The following CFAP54 variants were observed in gnomAD, a reference collection of about 807,000 sequenced individuals.
CFAP54 encodes the protein cilia and flagella associated protein 54, also known as cilia- and flagella-associated protein 54.
A neutral mutation model predicts 370.4 loss-of-function variants in CFAP54; 290 were observed. The observed-to-expected ratio is 0.78, with a 90% CI of 0.71 to 0.86. The LOEUF (loss-of-function observed/expected upper bound fraction) is 0.86. Among genes scored for constraint, CFAP54 ranks in the 40% least tolerant of loss-of-function variants. The pLI is 0.00. For missense variants in CFAP54, 3,399 were observed against 3,528.7 expected (o/e 0.96, Z 0.93); for synonymous variants, 1,206 against 1,236.5 (o/e 0.98, Z 0.52).
At chr12:96,573,400 T>C (rs894814815) in intron 19 of CFAP54, among the ~76,000 whole-genome samples, 3 of 152,202 alleles carry the variant, frequency 2.0e-5, no homozygotes, top group African/African-American at 7.2e-5. Flanking sequence ...TTTCTGTCTC[T>C]GGCCTCTTCC....
chr12:96,506,011 ATAAGT>A (rs1342908520), intron 3 of CFAP54, among the ~76,000 whole-genome samples: 11 of 152,188 alleles, frequency 7.2e-5, no homozygotes, highest in African/African-American at 2.4e-4. Context: ...GAATTAATAA[ATAAGT>A]TAAAATGCCA....
chr12:96,870,146 A>G (rs890414090), intron 67 of CFAP54, among the ~76,000 whole-genome samples: 1 of 151,898 alleles, frequency 6.6e-6, no homozygotes, highest in African/African-American at 2.4e-5. Context: ...CTGTAGTCGC[A>G]GCTACTCTGG....
intron 22 of CFAP54, among the ~76,000 whole-genome samples, chr12:96,582,927 G>C (rs1188652525): frequency 6.6e-6 from 1 of 152,178 alleles, no homozygotes; most frequent in African/African-American, 2.4e-5. Flanking sequence ...GTTTCAGCAA[G>C]TTAATGTACC....
intron 33 of CFAP54, among the ~76,000 whole-genome samples, chr12:96,647,471 C>CGAAAAAAAAAAAAAAAAAAA (rs1167008566): frequency 9.4e-5 from 1 of 10,688 alleles, no homozygotes; most frequent in Non-Finnish European, 2.5e-4. Flanking sequence ...AGACTCTGTC[C>CGAAAAAAAAAAAAAAAAAAA]CAAAAAAAAA....
chr12:96,599,483 C>G (rs1356305097), intron 26 of CFAP54, among the ~76,000 whole-genome samples: 1 of 152,120 alleles, frequency 6.6e-6, no homozygotes, highest in African/African-American at 2.4e-5. Flanking sequence ...GTGCATGTGT[C>G]TTTATAGCAG....
intron 48 of CFAP54, 113 bp downstream of exon 48, chr12:96,708,916 C>A: frequency 2.5e-6 from 2 of 808,052 alleles, no homozygotes; most frequent in Non-Finnish European, 3.7e-6. Flanking sequence ...ACAGTTTTCT[C>A]TATGCTTATA....
chr12:96,519,479 T>C (rs1190559078), intron 6 of CFAP54, among the ~76,000 whole-genome samples: 6 of 152,110 alleles, frequency 3.9e-5, no homozygotes, highest in South Asian at 2.1e-4. Context: ...AACCAAAGAA[T>C]TGAAATGAAG....
Position 96,522,164 on chromosome 12 carries a change from G to T in CFAP54, c.1133G>T (p.Arg378Ile). The T allele has an allele frequency of 6.5e-7, 1 of 1,533,854 alleles. No individual in the cohort carries two copies. The highest frequency in any genetic ancestry group is 2.4e-5 in the East Asian group (1 of 40,884). ...AAAGCTGTCTTTAGACCTAAGATAA[G>T]AATTAACCTAAGGGAAGTACAAACT... ...KNKAVFRPKI[R>I]INLREVQTLS... The change falls in exon 8 of 68, where the codon AGA (arginine) becomes ATA (isoleucine). Residue 378 changes from arginine to isoleucine, a missense_variant. By Grantham distance (97) the Arg-to-Ile change is moderately conservative. This residue lies in a region of CFAP54 where 559 missense variants were observed against 576.7 expected (regional missense o/e 0.97). Coordinates refer to ENST00000524981, the MANE Select transcript of CFAP54 (RefSeq NM_001306084.2).
intron 15 of CFAP54, among the ~76,000 whole-genome samples, chr12:96,551,939 G>A (rs1955699238): frequency 6.6e-6 from 1 of 152,126 alleles, no homozygotes; most frequent in Admixed American, 6.5e-5. Flanking sequence ...AAAGGTGTAA[G>A]TACTGTAAAG....
chr12:96,747,503 C>A (rs1958130401), intron 55 of CFAP54, among the ~76,000 whole-genome samples: 1 of 152,100 alleles, frequency 6.6e-6, no homozygotes, highest in Admixed American at 6.5e-5. Context: ...CATTTAGCAC[C>A]AAGTACCATT....
At chr12:96,540,777 G>C in intron 13 of CFAP54, 60 bp from the exon 14 acceptor site, 1 of 1,111,370 alleles carries the variant, frequency 9.0e-7, no homozygotes, top group Non-Finnish European at 1.2e-6. Context: ...TGAAAAATGT[G>C]ACTGTTTCTA....
intron 60 of CFAP54, among the ~76,000 whole-genome samples, chr12:96,779,093 G>T (rs1958554912): frequency 7.3e-6 from 1 of 136,958 alleles, no homozygotes; most frequent in Admixed American, 7.6e-5. Flanking sequence ...GGCAACACGA[G>T]TGAATCTCCA....
intron 19 of CFAP54, among the ~76,000 whole-genome samples, chr12:96,569,068 C>G (rs1182552404): frequency 9.6e-6 from 1 of 104,642 alleles, no homozygotes; most frequent in African/African-American, 3.9e-5. Context: ...TACTTCTGGT[C>G]AAATATAGTA....
chr12:96,827,732 A>T (rs1259254253), intron 65 of CFAP54, among the ~76,000 whole-genome samples: 1 of 124,560 alleles, frequency 8.0e-6, no homozygotes, highest in African/African-American at 3.0e-5. Flanking sequence ...AATTATATTT[A>T]ATATAATTAT....
At chr12:96,550,658 C>A (rs935519420) in intron 15 of CFAP54, among the ~76,000 whole-genome samples, 3 of 152,170 alleles carry the variant, frequency 2.0e-5, no homozygotes, top group African/African-American at 7.2e-5. Context: ...TGAACATCCT[C>A]CTGGGAGAAA....
chr12:96,639,430 A>G (rs1956699808), intron 32 of CFAP54, among the ~76,000 whole-genome samples: 2 of 152,244 alleles, frequency 1.3e-5, no homozygotes, highest in Admixed American at 6.5e-5. Context: ...AATTGAGGCA[A>G]TCATTAATAG....
intron 63 of CFAP54, among the ~76,000 whole-genome samples, chr12:96,809,161 G>T (rs1190610358): frequency 6.6e-6 from 1 of 152,072 alleles, no homozygotes; most frequent in African/African-American, 2.4e-5. Context: ...GATGCGCATT[G>T]GTGTGAGTCT....
chr12:96,595,815 G>T (rs924950399), intron 25 of CFAP54, among the ~76,000 whole-genome samples: 1 of 152,116 alleles, frequency 6.6e-6, no homozygotes. Context: ...TCTTTTTAAA[G>T]GTGAGAGATG....
chr12:96,643,786 T>C (rs1956760635), intron 32 of CFAP54, among the ~76,000 whole-genome samples: 1 of 152,196 alleles, frequency 6.6e-6, no homozygotes, highest in Non-Finnish European at 1.5e-5. Context: ...TGTTTTTTCC[T>C]TAAGGACCAA....
Sources: allele counts gnomAD v4.1 joint callset (sites outside exome capture counted in the v4.1 genomes callset), GRCh38; gene constraint gnomAD v4.1.1; regional missense constraint gnomAD v4.1.1; transcripts MANE v1.5; gene names NCBI Gene and HGNC (gene_info 2026-07-23, HGNC 2026-07-21).